Variants in SPATA16 observed in about 807,000 individuals in gnomAD.
SPATA16 encodes spermatogenesis-associated protein 16.
A neutral mutation model predicts 63.3 loss-of-function variants in SPATA16; 36 were observed. The ratio of observed to expected loss-of-function variants is 0.57; its 90% confidence interval spans 0.44 to 0.75. The LOEUF (loss-of-function observed/expected upper bound fraction) is 0.75, where lower values mean the gene tolerates loss of function less well. Ranked by LOEUF, SPATA16 falls within the 30% of genes least tolerant of loss-of-function variation. The probability of loss-of-function intolerance (pLI) is 0.00; values close to 1 mark genes in which losing one functional copy is unlikely to be tolerated. For synonymous variants in SPATA16, 203 were observed against 216.7 expected (o/e 0.94, Z 0.56); for missense variants, 646 against 679.3 (o/e 0.95, Z 0.54).
intron 3 of SPATA16, among the ~76,000 whole-genome samples, chr3:173,045,975 T>A (rs1735947894): frequency 6.6e-6 from 1 of 152,112 alleles, no homozygotes. Context: ...GTCTGCCACC[T>A]TGTGGCAATA....
At chr3:173,043,904 G>A (rs975355556) in intron 3 of SPATA16, among the ~76,000 whole-genome samples, 11 of 151,696 alleles carry the variant, frequency 7.3e-5, no homozygotes, top group South Asian at 2.1e-4. Context: ...TTTGCTTTCG[G>A]CACTTTAAAG....
At chr3:172,937,666 C>G (rs1733038672) in intron 6 of SPATA16, among the ~76,000 whole-genome samples, 1 of 152,098 alleles carries the variant, frequency 6.6e-6, no homozygotes. Flanking sequence ...CGAGAAACTA[C>G]TAAAACTAGG....
rs747110235 is a variant in SPATA16 at position 172,977,001 on chromosome 3, C to T, written c.900G>A (p.Glu300=). 6.2e-7 allele frequency: 1 copy of T among 1,612,100 alleles called. No homozygotes were observed. The highest frequency in any genetic ancestry group is 1.1e-5 in the South Asian group (1 of 91,048). ...ACAGTTTGATGAGCTTGCTTATGCT[C>T]TCTTCCCTTCCTCCACCAAGCCAGA... ...YMFWLGGGRE[E]SISKLIKLYW... Residue 300 remains glutamate (E), a synonymous_variant, in exon 5 of 11, where the codon GAG becomes GAA. Coordinates refer to ENST00000351008, the MANE Select transcript of SPATA16 (RefSeq NM_031955.6).
intron 4 of SPATA16, among the ~76,000 whole-genome samples, chr3:172,978,274 A>G (rs940757600): frequency 3.9e-5 from 6 of 152,148 alleles, no homozygotes; most frequent in African/African-American, 1.4e-4. Flanking sequence ...ATATTTTTCA[A>G]AGCTCTTAAT....
At chr3:172,952,204 T>C (rs1338291070) in intron 6 of SPATA16, among the ~76,000 whole-genome samples, 1 of 152,154 alleles carries the variant, frequency 6.6e-6, no homozygotes, top group African/African-American at 2.4e-5. Flanking sequence ...AGGCTGCATG[T>C]GGATGAGTGT....
intron 6 of SPATA16, among the ~76,000 whole-genome samples, chr3:172,935,016 A>G (rs1732948296): frequency 6.6e-6 from 1 of 152,208 alleles, no homozygotes; most frequent in Non-Finnish European, 1.5e-5. Context: ...AATAAAAATG[A>G]GAGATATAAA....
intron 2 of SPATA16, among the ~76,000 whole-genome samples, chr3:173,115,823 C>T (rs1286696758): frequency 6.6e-6 from 1 of 152,042 alleles, no homozygotes; most frequent in South Asian, 2.1e-4. Flanking sequence ...ACCACTTTCA[C>T]GACAACATCT....
chr3:172,984,626 C>T (rs1188935059), intron 4 of SPATA16, among the ~76,000 whole-genome samples: 1 of 152,130 alleles, frequency 6.6e-6, no homozygotes, highest in Non-Finnish European at 1.5e-5. Flanking sequence ...TGAGTCTCTA[C>T]CTATTGCAGC....
chr3:173,007,643 CT>C (rs1734973139), intron 4 of SPATA16, among the ~76,000 whole-genome samples: 1 of 152,068 alleles, frequency 6.6e-6, no homozygotes, highest in Admixed American at 6.6e-5. Flanking sequence ...ATTATTTAAT[CT>C]ATTTCTCATG....
intron 10 of SPATA16, among the ~76,000 whole-genome samples, chr3:172,910,660 C>A (rs62282585): frequency 6.6e-6 from 1 of 152,080 alleles, no homozygotes; most frequent in Non-Finnish European, 1.5e-5. Flanking sequence ...ATGAGGACCA[C>A]GTTTGGCTGC....
At chr3:172,944,751 A>G (rs1385867254) in intron 6 of SPATA16, among the ~76,000 whole-genome samples, 1 of 152,248 alleles carries the variant, frequency 6.6e-6, no homozygotes, top group Non-Finnish European at 1.5e-5. Context: ...ATGGACAAAT[A>G]CTATATGATT....
chr3:173,067,429 T>G (rs1736548046), intron 2 of SPATA16, among the ~76,000 whole-genome samples: 1 of 152,102 alleles, frequency 6.6e-6, no homozygotes, highest in African/African-American at 2.4e-5. Flanking sequence ...CAATAGAAAC[T>G]AGGGCCTACT....
chr3:173,123,601 ATTTTTTTT>A (rs541550629), intron 1 of SPATA16, among the ~76,000 whole-genome samples: 1 of 136,540 alleles, frequency 7.3e-6, no homozygotes, highest in Admixed American at 7.4e-5. Context: ...AAGGTATTAG[ATTTTTTTT>A]TTTTTTTTTT....
intron 2 of SPATA16, among the ~76,000 whole-genome samples, chr3:173,113,616 A>C (rs1737807882): frequency 6.6e-6 from 1 of 152,220 alleles, no homozygotes; most frequent in Non-Finnish European, 1.5e-5. Flanking sequence ...TGTTATCATA[A>C]ATTTACCTAT....
At chr3:173,086,651 C>A (rs562736970) in intron 2 of SPATA16, among the ~76,000 whole-genome samples, 1 of 152,250 alleles carries the variant, frequency 6.6e-6, no homozygotes, top group African/African-American at 2.4e-5. Context: ...TGAGACCTTT[C>A]TAGCTTTCTG....
In SPATA16 at chr3:173,032,325, A is replaced by G. The variant is rs1438783474; in HGVS notation, c.759-12750T>C. Among the ~76,000 whole-genome samples, 8 of 152,166 alleles carry G rather than the reference A, an allele frequency of 5.3e-5. No individual in the cohort carries two copies. The East Asian group carries it at 9.6e-4, about 18-fold the overall frequency. ...AAATAATTACTTAAAAGAATTTGCTATATTGTCACAACACTGAAAAATATA... is the reference window on the plus strand; with the variant it reads ...AAATAATTACTTAAAAGAATTTGCTGTATTGTCACAACACTGAAAAATATA... On this transcript the variant is annotated intron_variant, in intron 3 of 10. Coordinates refer to ENST00000351008, the MANE Select transcript of SPATA16 (RefSeq NM_031955.6).
chr3:173,022,810 C>T (rs1354205589), intron 3 of SPATA16, among the ~76,000 whole-genome samples: 3 of 150,922 alleles, frequency 2.0e-5, no homozygotes, highest in African/African-American at 7.3e-5. Flanking sequence ...GATTTTATCA[C>T]AGAGGAAAAA....
At chr3:173,020,932 G>T (rs1735317485) in intron 3 of SPATA16, among the ~76,000 whole-genome samples, 1 of 152,112 alleles carries the variant, frequency 6.6e-6, no homozygotes, top group Non-Finnish European at 1.5e-5. Context: ...TTTTTGAGAG[G>T]TATACAGTGC....
At chr3:173,125,228 C>T (rs370533391) in intron 1 of SPATA16, among the ~76,000 whole-genome samples, 3 of 152,132 alleles carry the variant, frequency 2.0e-5, no homozygotes, top group Admixed American at 2.0e-4. Flanking sequence ...CCCTATCCTA[C>T]CATCCGTCAT....
Sources: allele counts gnomAD v4.1 joint callset (sites outside exome capture counted in the v4.1 genomes callset), GRCh38; gene constraint gnomAD v4.1.1; transcripts MANE v1.5; gene names NCBI Gene and HGNC (gene_info 2026-07-23, HGNC 2026-07-21).